Variants in GPR107 observed in about 807,000 individuals in gnomAD.
The protein encoded by GPR107 is protein GPR107.
In GPR107, 31 loss-of-function variants were observed where a neutral mutation model predicts 75.5. That is an observed-to-expected ratio of 0.41 (90% confidence interval 0.31 to 0.55). The LOEUF is 0.55. GPR107 is among the 20% of genes least tolerant of loss of function. GPR107 has a pLI of 0.26. For missense variants in GPR107, 572 were observed against 665.7 expected (o/e 0.86, Z 1.55); for synonymous variants, 267 against 251.3 (o/e 1.06, Z -0.59).
chr9:130,131,526 G>T (rs1173692933), intron 17 of GPR107, among the ~76,000 whole-genome samples: 1 of 152,056 alleles, frequency 6.6e-6, no homozygotes, highest in African/African-American at 2.4e-5. Context: ...CGCACTCCCA[G>T]GACTCACCCA....
intron 14 of GPR107, among the ~76,000 whole-genome samples, chr9:130,113,721 G>T (rs1831358344): frequency 6.6e-6 from 1 of 152,190 alleles, no homozygotes; most frequent in African/African-American, 2.4e-5. Flanking sequence ...TCCTGAAAGT[G>T]CAGGATGGAC....
At chr9:130,072,844 T>G (rs1388945956) in intron 1 of GPR107, among the ~76,000 whole-genome samples, 1 of 152,206 alleles carries the variant, frequency 6.6e-6, no homozygotes, top group African/African-American at 2.4e-5. Context: ...TCCATTCTGC[T>G]GCAAAGCAGC....
At position 130,077,381 on chromosome 9, in the gene GPR107, A is replaced by G; in HGVS notation, c.386+3A>G. On this transcript the variant is annotated splice_donor_region_variant and intron_variant, in intron 4 of 17. Coordinates refer to ENST00000347136, the MANE Select transcript of GPR107 (RefSeq NM_020960.5). The stretch of plus-strand genomic sequence containing the variant: ...ATCCTAGACATCTCCAGAAGTGAGT[A>G]AGTAATTCTAAAGTTCCTTCAGTTC... The G allele has an allele frequency of 2.1e-6, 3 of 1,412,152 alleles. No homozygotes were observed. The highest frequency in any genetic ancestry group is 3.0e-6 in the Non-Finnish European group (3 of 995,308). The allele number at this position is 1,412,152 out of a possible 1,614,324, so 87.5% of individuals were successfully genotyped here.
In GPR107 at chr9:130,124,882, C is replaced by T. The variant is rs147658022; in HGVS notation, c.1307-33C>T. The T allele has an allele frequency of 5.5e-4, 771 of 1,404,038 alleles. 6 individuals carry two copies. The African/African-American group carries it at 9.1e-3, about 17-fold the overall frequency. 87.0% of individuals were successfully genotyped at this position (1,404,038 alleles called of 1,614,324 possible). A position where few individuals can be genotyped will look rare whatever the true frequency, so the allele number is the denominator to read the frequency against. Reference sequence around the variant, plus strand: ...CTTACTTTTAAAAATGAGAAGTTAACGAGCTCTTCATTTTGTTCTTTCTTC... The same window carrying T: ...CTTACTTTTAAAAATGAGAAGTTAATGAGCTCTTCATTTTGTTCTTTCTTC... On this transcript the variant is annotated intron_variant, in intron 14 of 17. Coordinates refer to ENST00000347136, the MANE Select transcript of GPR107 (RefSeq NM_020960.5).
At chr9:130,131,663 G>T (rs554772449) in intron 17 of GPR107, among the ~76,000 whole-genome samples, 2 of 151,398 alleles carry the variant, frequency 1.3e-5, no homozygotes, top group African/African-American at 4.9e-5. Flanking sequence ...CACCAAGCTC[G>T]CCCCTCCCCA....
chr9:130,065,227 A>G (rs749407818), intron 1 of GPR107, among the ~76,000 whole-genome samples: 35 of 148,384 alleles, frequency 2.4e-4, no homozygotes, highest in Non-Finnish European at 5.1e-4. Flanking sequence ...GAGGTGGGCA[A>G]TCACCTGAGG....
intron 10 of GPR107, 50 bp downstream of exon 10, chr9:130,099,582 G>GCTCACACAGGCATTA: frequency 1.0e-6 from 1 of 1,002,424 alleles, no homozygotes; most frequent in Non-Finnish European, 1.6e-6. Context: ...TATAATGCCT[G>GCTCACACAGGCATTA]TGTGAGCAGG....
chr9:130,077,237 ACT>A, intron 3 of GPR107, 60 bp from the exon 4 acceptor site: 3 of 889,050 alleles, frequency 3.4e-6, no homozygotes, highest in Admixed American at 1.7e-5. Context: ...GTTCCTGAAA[ACT>A]CTGTTCTTGT....
chr9:130,065,367 G>A lies in GPR107; in HGVS notation c.142-10269G>A, dbSNP rs192607676. Among the ~76,000 whole-genome samples the A allele has an allele frequency of 3.4e-3, 511 of 151,828 alleles. 2 individuals carry two copies. Among genetic ancestry groups the A allele is most frequent in the Non-Finnish European group, 5.9e-3 (400 of 67,942 alleles). ...CAGGAGAATCGCTTGAACCCAGGAG[G>A]CAAAGGTTACAGTGAGCCGAGATCG... is the stretch of plus-strand genomic sequence containing the variant. On this transcript the variant is annotated intron_variant, in intron 1 of 17. Coordinates refer to ENST00000347136, the MANE Select transcript of GPR107 (RefSeq NM_020960.5).
At chr9:130,061,497 G>C (rs1218835296) in intron 1 of GPR107, among the ~76,000 whole-genome samples, 1 of 152,156 alleles carries the variant, frequency 6.6e-6, no homozygotes, top group East Asian at 1.9e-4. Flanking sequence ...GGCTGGAGCA[G>C]AGTGATCTAG....
intron 14 of GPR107, among the ~76,000 whole-genome samples, chr9:130,122,253 A>G (rs1356086325): frequency 1.3e-5 from 2 of 152,152 alleles, no homozygotes; most frequent in Non-Finnish European, 2.9e-5. Context: ...TGCTGTGAAG[A>G]ATCGAGTGTT....
chr9:130,114,638 A>C (rs966063148), intron 14 of GPR107: 24 of 748,900 alleles, frequency 3.2e-5, no homozygotes, highest in Non-Finnish European at 4.4e-5. Context: ...CTCCTGCCTC[A>C]GTCTCCCAAA....
intron 1 of GPR107, among the ~76,000 whole-genome samples, chr9:130,062,639 TGCCTGCCTGCCTGCCTGCCTG>T (rs1564657596): frequency 2.9e-4 from 29 of 100,030 alleles, no homozygotes; most frequent in African/African-American, 8.8e-4. Flanking sequence ...CCTTCCTGCC[TGCCTGCCTGCCTGCCTGCCTG>T]CCTTCCTTCC....
intron 14 of GPR107, among the ~76,000 whole-genome samples, chr9:130,122,987 T>G (rs1219136113): frequency 6.6e-6 from 1 of 151,592 alleles, no homozygotes. Flanking sequence ...GAGCAAGACC[T>G]CTCTCAAAAA....
rs552263064 is a variant in GPR107, at chr9:130,131,860, C to T, written c.1562+3099C>T. On this transcript the variant is annotated intron_variant, in intron 17 of 17. Transcript: ENST00000347136. ...TTGTGGTGGCTGACCTCTTCACTCCCGATCCTCTCCCCTTCCTGTCCATCC... is the reference window on the plus strand; with the variant it reads ...TTGTGGTGGCTGACCTCTTCACTCCTGATCCTCTCCCCTTCCTGTCCATCC... Among the ~76,000 whole-genome samples the T allele has an allele frequency of 1.2e-3, 188 of 152,236 alleles. 1 individual carries two copies. The highest frequency in any genetic ancestry group is 4.1e-3 in the African/African-American group (171 of 41,540).
At chr9:130,100,774 C>T in intron 11 of GPR107, 72 bp downstream of exon 11, 6 of 1,125,674 alleles carry the variant, frequency 5.3e-6, no homozygotes, top group Non-Finnish European at 8.1e-6. Flanking sequence ...CAACAACCTG[C>T]CCCAAGTTAA....
Position 130,083,574 on chromosome 9 carries a change from A to G in GPR107, c.536A>G (p.Lys179Arg). 6.6e-7 allele frequency: 1 copy of G among 1,525,204 alleles called. No individual in the cohort carries two copies. Among genetic ancestry groups the G allele is most frequent in the Non-Finnish European group, 8.7e-7 (1 of 1,145,350 alleles). The allele number at this position is 1,525,204 out of a possible 1,614,324, so 94.5% of individuals were successfully genotyped here. A position where few individuals can be genotyped will look rare whatever the true frequency, so the allele number is the denominator to read the frequency against. The change falls in exon 6 of 18, where the codon AAG (lysine) becomes AGG (arginine). Residue 179 changes from lysine (K) to arginine (R), a missense_variant. Coordinates refer to ENST00000347136, the MANE Select transcript of GPR107 (RefSeq NM_020960.5). The part of the protein sequence containing the change: ...NQTQKTQDGG[K>R]SKRSTVDSKA... Reference sequence around the variant, plus strand: ...ATGTTCTTGCTTCTAGATGGTGGAAAGTCTAAAAGAAGTACAGTGGATTCA... The same window carrying G: ...ATGTTCTTGCTTCTAGATGGTGGAAGGTCTAAAAGAAGTACAGTGGATTCA...
rs3814544 is a variant in GPR107 at position 130,137,115 on chromosome 9, C to G, written c.*1994C>G. On this transcript the variant is annotated 3_prime_UTR_variant, in exon 18 of 18. Coordinates refer to ENST00000347136, the MANE Select transcript of GPR107 (RefSeq NM_020960.5). The stretch of plus-strand genomic sequence containing the variant: ...AGAGGGACACATTTGCTGTTTCTCC[C>G]GCAAGCAGATGTTGTGGATGAGGCG... 1 of 152,106 alleles carries G rather than the reference C, an allele frequency of 6.6e-6. No homozygotes were observed. The highest frequency in any genetic ancestry group is 6.5e-5 in the Admixed American group (1 of 15,278). 9.4% of individuals were successfully genotyped at this position (152,106 alleles called of 1,614,324 possible). A position where few individuals can be genotyped will look rare whatever the true frequency, so the allele number is the denominator to read the frequency against.
At chr9:130,099,078 G>A (rs7031068) in intron 9 of GPR107, among the ~76,000 whole-genome samples, 90,104 of 151,870 alleles carry the variant, frequency 0.59, 26,738 homozygotes, top group East Asian at 0.79. Flanking sequence ...TTGAGAGGCC[G>A]AAGTGGGTGG....
Sources: gnomAD v4.1 joint callset for allele counts (sites outside exome capture counted in the v4.1 genomes callset) on GRCh38, gnomAD v4.1.1 for gene constraint, MANE v1.5 for transcripts, NCBI Gene and HGNC (gene_info 2026-07-23, HGNC 2026-07-21) for gene names.